COP1: variants seen among roughly 807,000 people sequenced by gnomAD.
COP1 encodes E3 ubiquitin-protein ligase COP1.
A neutral mutation model predicts 101.3 loss-of-function variants in COP1; 24 were observed. The ratio of observed to expected loss-of-function variants is 0.24; its 90% confidence interval spans 0.17 to 0.33. The LOEUF (loss-of-function observed/expected upper bound fraction) is 0.33, where lower values mean the gene tolerates loss of function less well. COP1 is among the 10% of genes least tolerant of loss of function. COP1 has a pLI of 1.00. For synonymous variants in COP1, 347 were observed against 341.9 expected, an observed-to-expected ratio of 1.01 and a Z score of -0.17; for missense variants, 663 against 906.2, an observed-to-expected ratio of 0.73 and a Z score of 3.45.
At chr1:176,181,169 A>G (rs764902033) in intron 2 of COP1, among the ~76,000 whole-genome samples, 1 of 152,186 alleles carries the variant, frequency 6.6e-6, no homozygotes, top group African/African-American at 2.4e-5. Context: ...AGTTCCTGCT[A>G]TATTGTCTCC....
intron 5 of COP1, among the ~76,000 whole-genome samples, chr1:176,151,365 GAAAGAAAGAA>G (rs1692496354): frequency 2.6e-5 from 2 of 77,730 alleles, no homozygotes; most frequent in African/African-American, 6.9e-5. Context: ...AAGAAAGAAA[GAAAGAAAGAA>G]AGAAAGAAAG....
At chr1:176,184,002 A>G (rs1380872116) in intron 2 of COP1, among the ~76,000 whole-genome samples, 1 of 152,102 alleles carries the variant, frequency 6.6e-6, no homozygotes, top group Non-Finnish European at 1.5e-5. Flanking sequence ...AGTTCTAGAG[A>G]TCAATTGTAC....
At chr1:176,128,642 T>C (rs1688422353) in intron 8 of COP1, among the ~76,000 whole-genome samples, 1 of 152,018 alleles carries the variant, frequency 6.6e-6, no homozygotes, top group Non-Finnish European at 1.5e-5. Flanking sequence ...TCTTAAAATC[T>C]GTCTGTAATC....
At chr1:176,146,574 C>G (rs1364725757) in intron 6 of COP1, among the ~76,000 whole-genome samples, 1 of 152,066 alleles carries the variant, frequency 6.6e-6, no homozygotes, top group African/African-American at 2.4e-5. Flanking sequence ...GCCCCTGTGA[C>G]AAAAAAATTG....
At chr1:176,085,671 A>G (rs1680005770) in intron 10 of COP1, 105 bp downstream of exon 10, 1 of 546,962 alleles carries the variant, frequency 1.8e-6, no homozygotes, top group Non-Finnish European at 3.3e-6. Context: ...TCAAAAATAC[A>G]TACTTTTGCT....
At chr1:175,980,725 C>T (rs1401495156) in intron 18 of COP1, among the ~76,000 whole-genome samples, 3 of 151,972 alleles carry the variant, frequency 2.0e-5, no homozygotes, top group Non-Finnish European at 4.4e-5. Context: ...TTTGGGGTCA[C>T]TTCTGAAGAG....
At chr1:176,201,595 A>G (rs530185571) in intron 1 of COP1, among the ~76,000 whole-genome samples, 2 of 152,346 alleles carry the variant, frequency 1.3e-5, no homozygotes, top group South Asian at 4.1e-4. Context: ...ATGAACTACT[A>G]TTGCACAAGT....
intron 14 of COP1, among the ~76,000 whole-genome samples, chr1:176,034,090 A>T (rs1669078935): frequency 6.6e-6 from 1 of 152,214 alleles, no homozygotes; most frequent in South Asian, 2.1e-4. Flanking sequence ...TATCCAAAAA[A>T]CAAAAGCAAC....
At chr1:176,073,010 T>A (rs567510709) in intron 11 of COP1, among the ~76,000 whole-genome samples, 26 of 152,320 alleles carry the variant, frequency 1.7e-4, no homozygotes, top group Middle Eastern at 3.4e-3. Flanking sequence ...CTTAAGTGAA[T>A]AGAAGAGCAC....
chr1:176,141,037 A>C (rs1176746995), intron 6 of COP1, among the ~76,000 whole-genome samples: 1 of 152,230 alleles, frequency 6.6e-6, no homozygotes, highest in African/African-American at 2.4e-5. Flanking sequence ...TGGTGCAGGT[A>C]GGTATCATTG....
intron 11 of COP1, among the ~76,000 whole-genome samples, chr1:176,051,926 A>C (rs2149241711): frequency 6.6e-6 from 1 of 152,316 alleles, no homozygotes; most frequent in South Asian, 2.1e-4. Context: ...GTCAAAAAAA[A>C]ATTTTTAAGT....
intron 15 of COP1, among the ~76,000 whole-genome samples, chr1:176,016,732 C>T (rs973530397): frequency 6.6e-6 from 1 of 150,720 alleles, no homozygotes; most frequent in African/African-American, 2.4e-5. Flanking sequence ...ATGAATGACT[C>T]TTTTTTTAAA....
At chr1:176,012,219 G>A (rs1212977831) in intron 15 of COP1, among the ~76,000 whole-genome samples, 1 of 152,166 alleles carries the variant, frequency 6.6e-6, no homozygotes, top group African/African-American at 2.4e-5. Context: ...CTGCAGCCTC[G>A]ACTTCCTGGG....
intron 8 of COP1, among the ~76,000 whole-genome samples, chr1:176,130,326 A>G (rs1688682770): frequency 6.6e-6 from 1 of 151,798 alleles, no homozygotes; most frequent in African/African-American, 2.4e-5. Context: ...CCTCTTGATA[A>G]TAAGTAAAAG....
At chr1:176,204,967 T>C (rs1240928837) in intron 1 of COP1, among the ~76,000 whole-genome samples, 2 of 152,090 alleles carry the variant, frequency 1.3e-5, no homozygotes, top group African/African-American at 4.8e-5. Flanking sequence ...GAGTTCCCAA[T>C]TCCCTATAGC....
chr1:176,004,992 T>G (rs1378760268), intron 15 of COP1, among the ~76,000 whole-genome samples: 2 of 151,988 alleles, frequency 1.3e-5, no homozygotes, highest in Middle Eastern at 3.2e-3. Context: ...TGGACTCTTT[T>G]TGGTTGGTAA....
intron 18 of COP1, among the ~76,000 whole-genome samples, chr1:175,975,265 C>A (rs919453679): frequency 6.6e-6 from 1 of 152,092 alleles, no homozygotes; most frequent in South Asian, 2.1e-4. Context: ...TTATCCCCCA[C>A]CCCAAAACCT....
At chr1:175,957,698 A>G (rs750272665) in intron 18 of COP1, among the ~76,000 whole-genome samples, 6 of 152,238 alleles carry the variant, frequency 3.9e-5, no homozygotes, top group Non-Finnish European at 8.8e-5. Context: ...TCCAAAAGAA[A>G]TGATGGTATA....
At chr1:175,955,375 C>A (rs75520133) in intron 18 of COP1, among the ~76,000 whole-genome samples, 2 of 152,148 alleles carry the variant, frequency 1.3e-5, no homozygotes, top group African/African-American at 4.8e-5. Context: ...GAAAAACTTA[C>A]AACTAACATC....
Sources: allele counts gnomAD v4.1 joint callset (sites outside exome capture counted in the v4.1 genomes callset), GRCh38; gene constraint gnomAD v4.1.1; transcripts MANE v1.5; gene names NCBI Gene and HGNC (gene_info 2026-07-23, HGNC 2026-07-21).